Variants in MCPH1 observed in about 807,000 individuals in gnomAD.
The protein encoded by MCPH1 is microcephalin.
In MCPH1, 104 loss-of-function variants were observed where a neutral mutation model predicts 84.5. The observed-to-expected ratio is 1.23, with a 90% CI of 1.05 to 1.45. MCPH1 has a LOEUF of 1.45. Among genes scored for constraint, MCPH1 ranks in the 40% most tolerant of loss-of-function variants. MCPH1 has a pLI of 0.00. For missense variants in MCPH1, 1,498 were observed against 1,005.7 expected, an observed-to-expected ratio of 1.49 and a Z score of -6.62; for synonymous variants, 514 against 366.8, an observed-to-expected ratio of 1.40 and a Z score of -4.58.
At chr8:6,521,383 C>G in intron 12 of MCPH1, 1 of 1,612,984 alleles carries the variant, frequency 6.2e-7, no homozygotes, top group Non-Finnish European at 8.5e-7. Context: ...GCTTGTCTTC[C>G]ATAGCTAGCA....
At chr8:6,464,140 C>G (rs1362712488) in intron 9 of MCPH1, among the ~76,000 whole-genome samples, 1 of 152,158 alleles carries the variant, frequency 6.6e-6, no homozygotes, top group Non-Finnish European at 1.5e-5. Flanking sequence ...CCTTTAGTGC[C>G]GACCAGCCGG....
intron 12 of MCPH1, among the ~76,000 whole-genome samples, chr8:6,521,953 C>T (rs1008795129): frequency 1.3e-5 from 2 of 152,168 alleles, no homozygotes; most frequent in African/African-American, 4.8e-5. Context: ...ACCAGCCCTG[C>T]GACTTGGAAC....
At position 6,444,813 on chromosome 8, in the gene MCPH1, A is replaced by G; in HGVS notation, c.1091A>G (p.His364Arg). ...VKRKRVSHGS[H>R]SPPKEKCKRK... is the part of the protein sequence containing the mutation. Reference sequence around the variant, plus strand: ...AGAAAAAGAGTATCACATGGCTCCCATTCACCTCCGAAGGAAAAATGCAAG... The same window carrying G: ...AGAAAAAGAGTATCACATGGCTCCCGTTCACCTCCGAAGGAAAAATGCAAG... The change falls in exon 8 of 14, where the codon CAT (histidine) becomes CGT (arginine). Residue 364 changes from histidine (H) to arginine (R), a missense_variant. Transcript: ENST00000344683. The G allele has an allele frequency of 6.2e-7, 1 of 1,614,144 alleles. No individual in the cohort carries two copies. The highest frequency in any genetic ancestry group is 2.2e-5 in the East Asian group (1 of 44,870).
At chr8:6,540,102 G>C (rs563488875) in intron 12 of MCPH1, among the ~76,000 whole-genome samples, 1 of 152,206 alleles carries the variant, frequency 6.6e-6, no homozygotes, top group African/African-American at 2.4e-5. Flanking sequence ...AGTAATTTGA[G>C]TGTACCAGAA....
At chr8:6,508,766 G>C (rs947101323) in intron 12 of MCPH1, 4 of 966,610 alleles carry the variant, frequency 4.1e-6, no homozygotes, top group Non-Finnish European at 6.3e-6. Context: ...TTAAAACTTA[G>C]TCTAAAAAAA....
chr8:6,534,818 C>G (rs888680848), intron 12 of MCPH1, among the ~76,000 whole-genome samples: 1 of 152,122 alleles, frequency 6.6e-6, no homozygotes, highest in Non-Finnish European at 1.5e-5. Context: ...CCTTCCTCCC[C>G]TGCCTTTATA....
Position 6,647,929 on chromosome 8 carries a change from A to ATTTT in MCPH1, c.*4880_*4881insTTTT, listed in dbSNP as rs754659338. Reference sequence around the variant, plus strand: ...ACACCAATAAAGCTATTTTTTTTAAAAAAAAGAGAGAGAGAGAACGAGAGC... The same window carrying ATTTT: ...ACACCAATAAAGCTATTTTTTTTAAATTTTAAAAAGAGAGAGAGAGAACGAGAGC... On this transcript the variant is annotated 3_prime_UTR_variant, in exon 14 of 14. Coordinates refer to ENST00000344683, the MANE Select transcript of MCPH1 (RefSeq NM_024596.5). 9,247 of 151,524 alleles carry ATTTT rather than the reference A, an allele frequency of 0.061. 348 individuals are homozygous for ATTTT. Among genetic ancestry groups the ATTTT allele is most frequent in the Middle Eastern group, 0.11 (32 of 292 alleles). The allele number at this position is 151,524 out of a possible 1,614,324, so 9.4% of individuals were successfully genotyped here.
rs975741762 is a variant in MCPH1 at position 6,442,106 on chromosome 8, ACT to A, written c.625_626del (p.Leu209ValfsTer2). On this transcript the variant is annotated frameshift_variant, in exon 7 of 14. Coordinates refer to ENST00000344683, the MANE Select transcript of MCPH1 (RefSeq NM_024596.5). LOFTEE classifies it high-confidence loss of function. ...CAGCAGTCTCATGATAATCCAAGTA[ACT>A]CTCTGTGTGAAGCACCTTTGAACAT... The A allele has an allele frequency of 6.2e-6, 10 of 1,613,492 alleles. No homozygotes were observed. The highest frequency in any genetic ancestry group is 2.2e-5 in the South Asian group (2 of 91,046).
intron 11 of MCPH1, among the ~76,000 whole-genome samples, chr8:6,497,887 A>G (rs1440705930): frequency 1.3e-5 from 2 of 152,238 alleles, no homozygotes; most frequent in African/African-American, 4.8e-5. Flanking sequence ...TGAACACTTA[A>G]GGTTTTTATG....
At chr8:6,487,919 G>C (rs1810127310) in intron 11 of MCPH1, among the ~76,000 whole-genome samples, 1 of 152,242 alleles carries the variant, frequency 6.6e-6, no homozygotes, top group Admixed American at 6.5e-5. Context: ...AAAATAGCTT[G>C]TCTGACTTGA....
chr8:6,590,104 G>C (rs991374487), intron 12 of MCPH1, among the ~76,000 whole-genome samples: 3 of 151,964 alleles, frequency 2.0e-5, no homozygotes, highest in Non-Finnish European at 4.4e-5. Context: ...GGAACATTTG[G>C]TGCCGGAAGA....
chr8:6,632,471 T>C (rs1797233473), intron 13 of MCPH1, among the ~76,000 whole-genome samples: 1 of 152,148 alleles, frequency 6.6e-6, no homozygotes, highest in Non-Finnish European at 1.5e-5. Context: ...GCTACATTGA[T>C]CTTGACCTAA....
At chr8:6,640,087 TGTGTGTGTGTGCGCGCGC>T (rs1797837889) in intron 13 of MCPH1, among the ~76,000 whole-genome samples, 4 of 145,176 alleles carry the variant, frequency 2.8e-5, no homozygotes, top group South Asian at 2.2e-4. Context: ...TGTGTGTGTG[TGTGTGTGTGTGCGCGCGC>T]GTGTGTGTGT....
intron 8 of MCPH1, chr8:6,446,348 C>A (rs1804365977): frequency 1.0e-6 from 1 of 984,600 alleles, no homozygotes; most frequent in Non-Finnish European, 1.2e-6. Context: ...CGCATTCTCT[C>A]TGCATGATTT....
chr8:6,523,953 G>A (rs1312614906), intron 12 of MCPH1, among the ~76,000 whole-genome samples: 1 of 151,032 alleles, frequency 6.6e-6, no homozygotes, highest in African/African-American at 2.4e-5. Flanking sequence ...ACATTATTCA[G>A]CACCTAAAGA....
At chr8:6,489,279 C>A (rs1222563036) in intron 11 of MCPH1, among the ~76,000 whole-genome samples, 3 of 151,802 alleles carry the variant, frequency 2.0e-5, no homozygotes. Context: ...TAGGTTTGAT[C>A]TCTGGGCTGT....
intron 9 of MCPH1, among the ~76,000 whole-genome samples, chr8:6,473,063 C>A (rs1807961229): frequency 6.6e-6 from 1 of 152,102 alleles, no homozygotes; most frequent in African/African-American, 2.4e-5. Flanking sequence ...AACACAGAAT[C>A]TTTGGAATCT....
intron 13 of MCPH1, among the ~76,000 whole-genome samples, chr8:6,632,490 TA>T (rs1426968783): frequency 6.6e-6 from 1 of 152,158 alleles, no homozygotes; most frequent in Non-Finnish European, 1.5e-5. Flanking sequence ...AATACTGGTT[TA>T]AAAAACTCAT....
chr8:6,625,395 CT>C (rs1359430788), intron 13 of MCPH1: 4 of 985,270 alleles, frequency 4.1e-6, no homozygotes, highest in South Asian at 9.4e-5. Flanking sequence ...CTTTTGGAGA[CT>C]TTTTTTCCTC....
Sources: gnomAD v4.1 joint callset for allele counts (sites outside exome capture counted in the v4.1 genomes callset) on GRCh38, gnomAD v4.1.1 for gene constraint, MANE v1.5 for transcripts, NCBI Gene and HGNC (gene_info 2026-07-23, HGNC 2026-07-21) for gene names.